Variants in UGT8 observed in about 807,000 individuals in gnomAD.
The protein encoded by UGT8 is UDP glycosyltransferase 8.
UGT8 carries 12 observed loss-of-function variants against 40.5 expected under a neutral mutation model. That is an observed-to-expected ratio of 0.30 (90% confidence interval 0.19 to 0.48). UGT8 has a LOEUF of 0.48. UGT8 is among the 20% of genes least tolerant of loss of function. UGT8 has a pLI of 0.99. For missense variants in UGT8, 513 were observed against 648.7 expected, an observed-to-expected ratio of 0.79 and a Z score of 2.27; for synonymous variants, 224 against 240.4, an observed-to-expected ratio of 0.93 and a Z score of 0.63.
chr4:114,624,038 C>T (rs984391428), intron 2 of UGT8, among the ~76,000 whole-genome samples: 1 of 152,094 alleles, frequency 6.6e-6, no homozygotes, highest in Non-Finnish European at 1.5e-5. Context: ...GTGATTTTAT[C>T]TTTAATTACA....
At chr4:114,650,404 TATAA>T (rs1436554636) in intron 2 of UGT8, among the ~76,000 whole-genome samples, 8 of 152,206 alleles carry the variant, frequency 5.3e-5, no homozygotes, top group African/African-American at 1.9e-4. Context: ...AGCAGTAGGA[TATAA>T]ATAACTCCCA....
At chr4:114,647,642 A>G (rs1733657180) in intron 2 of UGT8, among the ~76,000 whole-genome samples, 1 of 152,100 alleles carries the variant, frequency 6.6e-6, no homozygotes, top group Admixed American at 6.6e-5. Context: ...TTGGGATTAC[A>G]GGCATGAGCC....
intron 5 of UGT8, among the ~76,000 whole-genome samples, chr4:114,673,471 A>T (rs1007916211): frequency 2.6e-5 from 4 of 152,222 alleles, no homozygotes; most frequent in Non-Finnish European, 5.9e-5. Flanking sequence ...CCCTGTTCAG[A>T]TAAGCTGAGT....
chr4:114,638,659 C>A (rs1440266010), intron 2 of UGT8, among the ~76,000 whole-genome samples: 3 of 152,238 alleles, frequency 2.0e-5, no homozygotes, highest in Non-Finnish European at 1.5e-5. Context: ...TTCCTCCTAA[C>A]ATGACTGACA....
chr4:114,641,391 T>C (rs1198713560), intron 2 of UGT8, among the ~76,000 whole-genome samples: 1 of 152,212 alleles, frequency 6.6e-6, no homozygotes, highest in African/African-American at 2.4e-5. Flanking sequence ...AAATTTGAGT[T>C]TGGTAACTGC....
chr4:114,632,189 A>G (rs1214837442), intron 2 of UGT8, among the ~76,000 whole-genome samples: 1 of 152,234 alleles, frequency 6.6e-6, no homozygotes, highest in Non-Finnish European at 1.5e-5. Flanking sequence ...TCTGATTAAT[A>G]TAAACATAGA....
intron 2 of UGT8, among the ~76,000 whole-genome samples, chr4:114,637,890 G>C (rs926413251): frequency 8.5e-5 from 13 of 152,266 alleles, no homozygotes; most frequent in African/African-American, 2.6e-4. Context: ...CATCATGATA[G>C]GCCCACTTTA....
intron 1 of UGT8, among the ~76,000 whole-genome samples, chr4:114,613,687 G>C (rs917355439): frequency 6.6e-6 from 1 of 152,082 alleles, no homozygotes; most frequent in Non-Finnish European, 1.5e-5. Flanking sequence ...CATAAGTAAC[G>C]AGTGCTAGAT....
intron 2 of UGT8, among the ~76,000 whole-genome samples, chr4:114,640,218 G>T (rs1476437060): frequency 6.6e-6 from 1 of 151,988 alleles, no homozygotes; most frequent in Non-Finnish European, 1.5e-5. Context: ...TTTTAGTAGA[G>T]ACGGGGTTTC....
chr4:114,610,466 C>A (rs550998338), intron 1 of UGT8, among the ~76,000 whole-genome samples: 1 of 152,170 alleles, frequency 6.6e-6, no homozygotes, highest in Non-Finnish European at 1.5e-5. Flanking sequence ...GGACTTGCCT[C>A]ATTGTGGTGA....
At chr4:114,668,940 T>TG (rs1317608346) in intron 5 of UGT8, among the ~76,000 whole-genome samples, 2 of 152,238 alleles carry the variant, frequency 1.3e-5, no homozygotes, top group Non-Finnish European at 2.9e-5. Context: ...AACTGGCCTG[T>TG]GTAGTTTTAA....
chr4:114,646,458 A>G (rs1056675657), intron 2 of UGT8, among the ~76,000 whole-genome samples: 18 of 152,142 alleles, frequency 1.2e-4, no homozygotes, highest in African/African-American at 3.9e-4. Context: ...TGAAGTTGTC[A>G]TCATTATGAT....
intron 2 of UGT8, 91 bp downstream of exon 2, chr4:114,623,793 T>C: frequency 7.0e-7 from 1 of 1,421,986 alleles, no homozygotes; most frequent in Non-Finnish European, 9.2e-7. Flanking sequence ...TTTATATATA[T>C]TGTATATATA....
chr4:114,602,901 G>T (rs143470994), intron 1 of UGT8, among the ~76,000 whole-genome samples: 318 of 152,322 alleles, frequency 2.1e-3, no homozygotes, highest in African/African-American at 7.1e-3. Flanking sequence ...AAACAGAGGA[G>T]CTATGTGATG....
chr4:114,660,708 C>G (rs185575384), intron 2 of UGT8, among the ~76,000 whole-genome samples: 3 of 151,796 alleles, frequency 2.0e-5, no homozygotes, highest in Non-Finnish European at 4.4e-5. Context: ...CTGGCTAACA[C>G]GGTGAAACCC....
intron 1 of UGT8, among the ~76,000 whole-genome samples, chr4:114,603,377 T>C (rs1172723018): frequency 2.0e-5 from 3 of 152,158 alleles, no homozygotes; most frequent in Non-Finnish European, 4.4e-5. Flanking sequence ...GTTTTCAGTG[T>C]ATAGGTAATT....
At chr4:114,641,427 A>G (rs1449659542) in intron 2 of UGT8, among the ~76,000 whole-genome samples, 1 of 152,218 alleles carries the variant, frequency 6.6e-6, no homozygotes, top group Non-Finnish European at 1.5e-5. Flanking sequence ...CATAGACTCC[A>G]ATTCACGGAA....
At chr4:114,612,639 G>A (rs1049873380) in intron 1 of UGT8, among the ~76,000 whole-genome samples, 1 of 151,884 alleles carries the variant, frequency 6.6e-6, no homozygotes, top group Non-Finnish European at 1.5e-5. Flanking sequence ...TTGTTGATTT[G>A]CTTAACCATG....
chr4:114,668,489 G>A (rs1735033174), intron 5 of UGT8, among the ~76,000 whole-genome samples, 185 bp downstream of exon 5: 1 of 152,166 alleles, frequency 6.6e-6, no homozygotes, highest in Non-Finnish European at 1.5e-5. Flanking sequence ...CATTTGACCA[G>A]CCATGTTATG....
Sources: allele counts gnomAD v4.1 joint callset (sites outside exome capture counted in the v4.1 genomes callset), GRCh38; gene constraint gnomAD v4.1.1; transcripts MANE v1.5; gene names NCBI Gene and HGNC (gene_info 2026-07-23, HGNC 2026-07-21).